The following CD47 variants were observed in gnomAD, a reference collection of about 807,000 sequenced individuals.
CD47 encodes CD47 molecule.
Under a neutral mutation model 44.6 loss-of-function variants are expected in CD47, and 11 were observed. The observed-to-expected ratio is 0.25, with a 90% CI of 0.16 to 0.41. CD47 has a LOEUF of 0.41. Among genes scored for constraint, CD47 ranks in the 10% least tolerant of loss-of-function variants. The probability of loss-of-function intolerance (pLI) is 1.00; values close to 1 mark genes in which losing one functional copy is unlikely to be tolerated. For synonymous variants in CD47, 140 were observed against 136.3 expected, an observed-to-expected ratio of 1.03 and a Z score of -0.19; for missense variants, 306 against 386.7, an observed-to-expected ratio of 0.79 and a Z score of 1.75.
chr3:108,085,333 T>C (rs1051677460), intron 1 of CD47, among the ~76,000 whole-genome samples: 1 of 152,168 alleles, frequency 6.6e-6, no homozygotes, highest in South Asian at 2.1e-4. Context: ...ACTTCTTAGC[T>C]GTATAACCTT....
At chr3:108,065,351 G>C (rs1031893104) in intron 3 of CD47, among the ~76,000 whole-genome samples, 7 of 152,164 alleles carry the variant, frequency 4.6e-5, no homozygotes, top group Non-Finnish European at 1.0e-4. Flanking sequence ...TCTGGATTTG[G>C]AAAGGGTCAA....
intron 3 of CD47, among the ~76,000 whole-genome samples, chr3:108,069,035 C>T (rs2079151133): frequency 1.3e-5 from 2 of 152,106 alleles, no homozygotes; most frequent in Admixed American, 6.5e-5. Context: ...CAATAAGATG[C>T]TTTTTCACCC....
At chr3:108,058,774 G>A (rs555756568) in intron 5 of CD47, among the ~76,000 whole-genome samples, 2 of 152,314 alleles carry the variant, frequency 1.3e-5, no homozygotes, top group East Asian at 3.9e-4. Context: ...TGCTCTTGCT[G>A]AGGGAACCAT....
intron 8 of CD47, chr3:108,050,840 G>A (rs747535288): frequency 1.7e-5 from 8 of 474,680 alleles, no homozygotes; most frequent in African/African-American, 1.4e-4. Context: ...TTTCTAAACA[G>A]AATTTCCCAC....
chr3:108,049,114 CT>C, intron 10 of CD47, among the ~76,000 whole-genome samples: 1 of 134,138 alleles, frequency 7.5e-6, no homozygotes, highest in Admixed American at 7.3e-5. Flanking sequence ...CTCTCTCTCT[CT>C]CTCTCTCTCT....
At chr3:108,076,867 CATG>C (rs1418767056) in intron 2 of CD47, among the ~76,000 whole-genome samples, 1 of 152,110 alleles carries the variant, frequency 6.6e-6, no homozygotes, top group Non-Finnish European at 1.5e-5. Flanking sequence ...CAAACATTTC[CATG>C]ATGGTGATGC....
intron 1 of CD47, among the ~76,000 whole-genome samples, chr3:108,082,529 A>C (rs979694015): frequency 6.6e-6 from 1 of 151,972 alleles, no homozygotes; most frequent in Admixed American, 6.6e-5. Flanking sequence ...TTGCTTGTTA[A>C]TTAATTAGTG....
intron 3 of CD47, among the ~76,000 whole-genome samples, chr3:108,064,940 A>G (rs1040572653): frequency 6.6e-6 from 1 of 152,312 alleles, no homozygotes; most frequent in East Asian, 1.9e-4. Context: ...TTCATTTTTT[A>G]AATTGTTTAA....
intron 7 of CD47, among the ~76,000 whole-genome samples, chr3:108,055,101 T>A (rs1218393472): frequency 6.6e-6 from 1 of 151,964 alleles, no homozygotes; most frequent in East Asian, 1.9e-4. Context: ...GTTTAAAAAG[T>A]TAAAAAATAG....
At chr3:108,050,890 T>C in intron 8 of CD47, 2 of 406,060 alleles carry the variant, frequency 4.9e-6, no homozygotes, top group South Asian at 1.9e-5. Flanking sequence ...CTTCTAAAAA[T>C]ATGAAAGTGC....
chr3:108,090,085 T>C (rs1262837210), intron 1 of CD47, among the ~76,000 whole-genome samples: 1 of 152,142 alleles, frequency 6.6e-6, no homozygotes, highest in African/African-American at 2.4e-5. Context: ...GAGGTTACTG[T>C]CTTCCTATTT....
At chr3:108,047,384 T>C (rs1344411205) in intron 10 of CD47, 92 bp from the exon 11 acceptor site, 21 of 908,828 alleles carry the variant, frequency 2.3e-5, no homozygotes, top group Non-Finnish European at 3.6e-5. Context: ...TTCAGATATA[T>C]AGTATCTAAA....
At chr3:108,051,729 A>C (rs1447620241) in intron 8 of CD47, 4 of 655,096 alleles carry the variant, frequency 6.1e-6, no homozygotes, top group Non-Finnish European at 2.9e-6. Context: ...ATCTTAAGAA[A>C]TCATTTATTC....
chr3:108,071,774 T>C (rs952059947), intron 2 of CD47, among the ~76,000 whole-genome samples: 4 of 152,202 alleles, frequency 2.6e-5, no homozygotes, highest in African/African-American at 7.2e-5. Flanking sequence ...CAATGAAGTC[T>C]TCCTGTAAAG....
chr3:108,062,296 T>C (rs1186177089), intron 3 of CD47, among the ~76,000 whole-genome samples: 1 of 152,174 alleles, frequency 6.6e-6, no homozygotes. Context: ...ACTTCCCTAT[T>C]TTCTAGGCTC....
At chr3:108,090,794 G>A in intron 1 of CD47, 69 bp downstream of exon 1, 1 of 1,371,436 alleles carries the variant, frequency 7.3e-7, no homozygotes, top group Non-Finnish European at 9.5e-7. Flanking sequence ...GGCTGGCTGG[G>A]GCGCAGCCCA....
intron 2 of CD47, among the ~76,000 whole-genome samples, chr3:108,077,562 T>C (rs1308090359): frequency 6.6e-6 from 1 of 152,128 alleles, no homozygotes; most frequent in African/African-American, 2.4e-5. Flanking sequence ...CCCAGAGAAA[T>C]GAAAACTGTG....
At chr3:108,057,455 A>G (rs946423448) in intron 7 of CD47, 22 bp downstream of exon 7, 1 of 1,069,154 alleles carries the variant, frequency 9.4e-7, no homozygotes, top group Non-Finnish European at 1.5e-6. Flanking sequence ...GGCATAGGTT[A>G]ATGAAAATAA....
chr3:108,044,921 A>G lies in CD47; in HGVS notation c.*2367T>C, dbSNP rs562085234. 10 of 152,758 alleles carry G rather than the reference A, an allele frequency of 6.5e-5. No individual in the cohort carries two copies. The East Asian group carries it at 1.7e-3, about 27-fold the overall frequency. The allele number at this position is 152,758 out of a possible 1,614,324, so 9.5% of individuals were successfully genotyped here. Reference sequence around the variant, plus strand: ...AAAAGCATATTATGGGACAAAACAGATACATGATGTGCAAAACACTGTCTG... The same window carrying G: ...AAAAGCATATTATGGGACAAAACAGGTACATGATGTGCAAAACACTGTCTG... On this transcript the variant is annotated 3_prime_UTR_variant, in exon 11 of 11. Transcript: ENST00000361309.
Sources: allele counts gnomAD v4.1 joint callset (sites outside exome capture counted in the v4.1 genomes callset), GRCh38; gene constraint gnomAD v4.1.1; transcripts MANE v1.5; gene names NCBI Gene and HGNC (gene_info 2026-07-23, HGNC 2026-07-21).